ITSN1: variants seen among roughly 807,000 people sequenced by gnomAD.
ITSN1 encodes the protein intersectin-1.
Under a neutral mutation model 239.8 loss-of-function variants are expected in ITSN1, and 58 were observed. That is an observed-to-expected ratio of 0.24 (90% confidence interval 0.20 to 0.30). The LOEUF is 0.30. ITSN1 is among the 10% of genes least tolerant of loss of function. The pLI, the probability that ITSN1 is intolerant of heterozygous loss-of-function variation, is 1.00. For synonymous variants in ITSN1, 780 were observed against 770.8 expected, an observed-to-expected ratio of 1.01 and a Z score of -0.20; for missense variants, 1,558 against 2,103.3, an observed-to-expected ratio of 0.74 and a Z score of 5.07.
intron 1 of ITSN1, among the ~76,000 whole-genome samples, chr21:33,645,045 C>T (rs2087809555): frequency 6.6e-6 from 1 of 152,062 alleles, no homozygotes; most frequent in African/African-American, 2.4e-5. Flanking sequence ...TGGTCTAAAA[C>T]GCCTACCTTA....
At chr21:33,771,201 C>T (rs1273523285) in intron 11 of ITSN1, among the ~76,000 whole-genome samples, 2 of 152,196 alleles carry the variant, frequency 1.3e-5, no homozygotes, top group African/African-American at 4.8e-5. Context: ...GGAAGTCTGT[C>T]TAAAGCAGTG....
intron 4 of ITSN1, among the ~76,000 whole-genome samples, chr21:33,731,962 G>A (rs1041604026): frequency 6.6e-6 from 1 of 152,144 alleles, no homozygotes; most frequent in Non-Finnish European, 1.5e-5. Context: ...ACATTTTAGG[G>A]AGACATAAGA....
intron 34 of ITSN1, among the ~76,000 whole-genome samples, chr21:33,878,851 A>G (rs1248593234): frequency 2.0e-5 from 3 of 152,230 alleles, no homozygotes; most frequent in Non-Finnish European, 2.9e-5. Flanking sequence ...ATAAAAACAA[A>G]TAAGATGTGA....
chr21:33,776,806 T>G (rs1043157090), intron 14 of ITSN1, among the ~76,000 whole-genome samples: 4 of 152,162 alleles, frequency 2.6e-5, no homozygotes, highest in Non-Finnish European at 4.4e-5. Flanking sequence ...TTTATATTCT[T>G]AACAAGTCCT....
chr21:33,853,058 TC>T (rs1978624116), intron 29 of ITSN1, among the ~76,000 whole-genome samples: 1 of 152,236 alleles, frequency 6.6e-6, no homozygotes, highest in African/African-American at 2.4e-5. Context: ...GGTCTGGCAT[TC>T]ACCAGCAAGT....
intron 1 of ITSN1, among the ~76,000 whole-genome samples, chr21:33,691,343 T>C (rs2091537466): frequency 6.6e-6 from 1 of 152,254 alleles, no homozygotes; most frequent in East Asian, 1.9e-4. Flanking sequence ...TTAAGTTTTT[T>C]ACTCCACCTG....
chr21:33,838,441 A>G, intron 29 of ITSN1: 1 of 983,352 alleles, frequency 1.0e-6, no homozygotes, highest in Non-Finnish European at 1.2e-6. Flanking sequence ...AACAACTGTA[A>G]TACAACCTTT....
rs1986765509 is a variant in ITSN1 at position 33,896,079 on chromosome 21, G to A, written c.*7779G>A. On this transcript the variant is annotated 3_prime_UTR_variant, in exon 40 of 40. Transcript: ENST00000381318. Reference sequence around the variant, plus strand: ...TCTTACTTTGAAAGGTCTCCCGGCAGGCTGTGGCAAGCTGCGCGGATACAC... The same window carrying A: ...TCTTACTTTGAAAGGTCTCCCGGCAAGCTGTGGCAAGCTGCGCGGATACAC... 1 of 152,370 alleles carries A rather than the reference G, an allele frequency of 6.6e-6. No homozygotes were observed. Among genetic ancestry groups the A allele is most frequent in the Admixed American group, 6.5e-5 (1 of 15,290 alleles). 9.4% of individuals were successfully genotyped at this position (152,370 alleles called of 1,614,324 possible).
At chr21:33,838,862 A>G (rs750515787) in intron 29 of ITSN1, among the ~76,000 whole-genome samples, 3 of 152,218 alleles carry the variant, frequency 2.0e-5, no homozygotes, top group African/African-American at 4.8e-5. Context: ...ATGTATCGTA[A>G]TGTACTGGTG....
At chr21:33,721,504 T>C (rs1358933920) in intron 3 of ITSN1, among the ~76,000 whole-genome samples, 1 of 152,128 alleles carries the variant, frequency 6.6e-6, no homozygotes, top group Non-Finnish European at 1.5e-5. Context: ...TTTATGGGAA[T>C]TGGTTAAGAT....
chr21:33,818,508 A>G (rs995441411), intron 23 of ITSN1, 36 bp downstream of exon 23: 2 of 1,525,692 alleles, frequency 1.3e-6, no homozygotes, highest in Non-Finnish European at 1.8e-6. Flanking sequence ...TTTGATGAAA[A>G]CAATATTAGG....
intron 1 of ITSN1, among the ~76,000 whole-genome samples, chr21:33,665,608 T>C (rs1453504543): frequency 6.6e-6 from 1 of 152,218 alleles, no homozygotes; most frequent in Non-Finnish European, 1.5e-5. Context: ...TACAGAGTTA[T>C]ATGGCTTAGC....
Position 33,884,756 on chromosome 21 carries a change from G to A in ITSN1, c.4677-285G>A, listed in dbSNP as rs78282291. On this transcript the variant is annotated intron_variant, in intron 36 of 39. Coordinates refer to ENST00000381318, the MANE Select transcript of ITSN1 (RefSeq NM_003024.3). Reference sequence around the variant, plus strand: ...CTTCGGTAAGGAAGGAAGAGGAGTCGTGTCCCGATGTTGCCTCCAAGACAG... The same window carrying A: ...CTTCGGTAAGGAAGGAAGAGGAGTCATGTCCCGATGTTGCCTCCAAGACAG... Among the ~76,000 whole-genome samples the A allele has an allele frequency of 7.7e-3, 1,167 of 152,304 alleles. 17 individuals carry two copies. Among genetic ancestry groups the A allele is most frequent in the African/African-American group, 0.026 (1,080 of 41,554 alleles).
At chr21:33,856,575 G>GCTA (rs1353417854) in intron 29 of ITSN1, among the ~76,000 whole-genome samples, 161 bp from the exon 30 acceptor site, 1 of 152,170 alleles carries the variant, frequency 6.6e-6, no homozygotes, top group African/African-American at 2.4e-5. Flanking sequence ...GTACCAGGGG[G>GCTA]TAGGGCTTCC....
intron 25 of ITSN1, among the ~76,000 whole-genome samples, chr21:33,825,858 T>G (rs1189069118): frequency 6.6e-6 from 1 of 152,208 alleles, no homozygotes; most frequent in Non-Finnish European, 1.5e-5. Flanking sequence ...TTCTTAAATT[T>G]CAATAAGCAA....
chr21:33,791,708 A>G (rs1272977622), intron 16 of ITSN1, among the ~76,000 whole-genome samples: 1 of 152,154 alleles, frequency 6.6e-6, no homozygotes, highest in East Asian at 1.9e-4. Context: ...TCTTGGGGAA[A>G]AATGAAAAAT....
In ITSN1 at chr21:33,671,757, A is replaced by G. The variant is rs552713698; in HGVS notation, c.-33+29044A>G. On this transcript the variant is annotated intron_variant, in intron 1 of 39. Transcript: ENST00000381318. The stretch of plus-strand genomic sequence containing the variant: ...CAGTGAGCTGAGATTGCGCCATTGC[A>G]CTCCAGTCTGGGCGACAAAGCGAGA... Among the ~76,000 whole-genome samples the G allele has an allele frequency of 1.5e-3, 228 of 151,592 alleles. 1 individual carries two copies. The highest frequency in any genetic ancestry group is 5.3e-3 in the African/African-American group (219 of 41,374).
intron 7 of ITSN1, among the ~76,000 whole-genome samples, chr21:33,752,507 C>A (rs1003464647): frequency 2.6e-5 from 4 of 152,124 alleles, no homozygotes; most frequent in African/African-American, 9.7e-5. Context: ...TCAATTATTA[C>A]CTTTCATATT....
intron 16 of ITSN1, among the ~76,000 whole-genome samples, chr21:33,789,220 C>T (rs1031832418): frequency 2.6e-5 from 4 of 152,244 alleles, no homozygotes; most frequent in Admixed American, 2.6e-4. Context: ...CATATTATCC[C>T]TAGGTGAGAA....
Sources: gnomAD v4.1 joint callset for allele counts (sites outside exome capture counted in the v4.1 genomes callset) on GRCh38, gnomAD v4.1.1 for gene constraint, MANE v1.5 for transcripts, NCBI Gene and HGNC (gene_info 2026-07-23, HGNC 2026-07-21) for gene names.